Variants in AGK observed in about 807,000 individuals in gnomAD.
AGK encodes the protein acylglycerol kinase, mitochondrial.
A neutral mutation model predicts 66.4 loss-of-function variants in AGK; 52 were observed. That is an observed-to-expected ratio of 0.78 (90% CI 0.63 to 0.99). The LOEUF is 0.99. Among genes scored for constraint, AGK ranks in the 50% least tolerant of loss-of-function variants. The pLI, the probability that AGK is intolerant of heterozygous loss-of-function variation, is 0.00. For synonymous variants in AGK, 182 were observed against 181.1 expected (o/e 1.00, Z -0.04); for missense variants, 451 against 506.6 (o/e 0.89, Z 1.05).
chr7:141,615,424 AT>A (rs747672599), intron 7 of AGK, 46 bp from the exon 8 acceptor site: 77 of 1,531,508 alleles, frequency 5.0e-5, no homozygotes, highest in Non-Finnish European at 6.2e-5. Flanking sequence ...ATTAAGCCTG[AT>A]TTTCTGATCA....
chr7:141,576,546 G>C (rs564469221), intron 2 of AGK, among the ~76,000 whole-genome samples: 127 of 150,052 alleles, frequency 8.5e-4, no homozygotes, highest in East Asian at 7.8e-4. Context: ...ATGACCAGGG[G>C]AACAGATTTG....
At chr7:141,556,495 C>G (rs1217901324) in intron 2 of AGK, among the ~76,000 whole-genome samples, 3 of 149,144 alleles carry the variant, frequency 2.0e-5, no homozygotes, top group African/African-American at 7.5e-5. Context: ...GATCCCAGAT[C>G]GGGCCACTGC....
chr7:141,644,826 C>A (rs923488564), intron 13 of AGK, among the ~76,000 whole-genome samples: 3 of 152,052 alleles, frequency 2.0e-5, no homozygotes, highest in Non-Finnish European at 4.4e-5. Context: ...GTTGTCCAAG[C>A]GCCATTTATT....
chr7:141,610,282 T>A (rs1041498970), intron 5 of AGK, among the ~76,000 whole-genome samples: 30 of 152,204 alleles, frequency 2.0e-4, no homozygotes, highest in Middle Eastern at 3.4e-3. Flanking sequence ...ATATATATAT[T>A]TTTATTATGC....
chr7:141,567,810 A>G (rs1397592142), intron 2 of AGK, among the ~76,000 whole-genome samples: 2 of 152,200 alleles, frequency 1.3e-5, no homozygotes, highest in East Asian at 3.8e-4. Flanking sequence ...AAAAAGTAGC[A>G]TAAGAAAGGA....
Position 141,655,133 on chromosome 7 carries a change from A to G in AGK, c.*2209A>G, listed in dbSNP as rs1047039364. 6.6e-6 allele frequency: 1 copy of G among 152,258 alleles called. No homozygotes were observed. Among genetic ancestry groups the G allele is most frequent in the Non-Finnish European group, 1.5e-5 (1 of 68,046 alleles). The allele number at this position is 152,258 out of a possible 1,614,324, so 9.4% of individuals were successfully genotyped here. ...TCTGATAGGCTACCAGTGTGTGTTT[A>G]TGTGTGCTCATTTTGTGGTTCTAAT... is the stretch of plus-strand genomic sequence containing the variant. On this transcript the variant is annotated 3_prime_UTR_variant, in exon 16 of 16. Coordinates refer to ENST00000649286, the MANE Select transcript of AGK (RefSeq NM_018238.4).
intron 8 of AGK, among the ~76,000 whole-genome samples, chr7:141,621,181 C>T (rs1177286887): frequency 6.6e-6 from 1 of 152,042 alleles, no homozygotes; most frequent in Non-Finnish European, 1.5e-5. Context: ...ATAGACTTTC[C>T]AAATGGCTCT....
intron 10 of AGK, 24 bp from the exon 11 acceptor site, chr7:141,636,936 A>G (rs1189785799): frequency 1.2e-6 from 2 of 1,600,822 alleles, no homozygotes; most frequent in East Asian, 2.2e-5. Flanking sequence ...TTCTTATCAG[A>G]TTTTTATCTT....
In AGK at chr7:141,556,480, G is replaced by T. The variant is rs557723567; in HGVS notation, c.101+913G>T. On this transcript the variant is annotated intron_variant, in intron 2 of 15. Transcript: ENST00000649286. Reference sequence around the variant, plus strand: ...CGCTTGAGCCTGGGAGGTGGAGGTTGTGGTGATCCCAGATCGGGCCACTGC... The same window carrying T: ...CGCTTGAGCCTGGGAGGTGGAGGTTTTGGTGATCCCAGATCGGGCCACTGC... Among the ~76,000 whole-genome samples, 11 of 151,506 alleles carry T rather than the reference G, an allele frequency of 7.3e-5. No individual in the cohort carries two copies. In the South Asian group the frequency reaches 2.3e-3, roughly 32 times the overall value.
chr7:141,615,420 C>T (rs372722212), intron 7 of AGK, 51 bp from the exon 8 acceptor site: 5 of 1,492,944 alleles, frequency 3.3e-6, no homozygotes, highest in Non-Finnish European at 4.7e-6. Context: ...CTCCATTAAG[C>T]CTGATTTTCT....
chr7:141,614,018 C>A (rs924985300), intron 6 of AGK, 128 bp from the exon 7 acceptor site: 2 of 637,340 alleles, frequency 3.1e-6, no homozygotes, highest in African/African-American at 2.0e-5. Flanking sequence ...AGATCCAGTG[C>A]ATCTTTTAAC....
At chr7:141,620,460 A>G (rs946204069) in intron 8 of AGK, among the ~76,000 whole-genome samples, 1 of 152,132 alleles carries the variant, frequency 6.6e-6, no homozygotes, top group Non-Finnish European at 1.5e-5. Flanking sequence ...AAACTCAGCA[A>G]CTCTTCTTGT....
chr7:141,577,969 C>G (rs547551453), intron 2 of AGK, among the ~76,000 whole-genome samples: 1 of 152,132 alleles, frequency 6.6e-6, no homozygotes, highest in South Asian at 2.1e-4. Context: ...CATGCCACCA[C>G]GCCCAGCTAA....
At chr7:141,652,448 T>G in intron 15 of AGK, 1 of 190,342 alleles carries the variant, frequency 5.3e-6, no homozygotes, top group Non-Finnish European at 1.1e-5. Flanking sequence ...AGACTATGTA[T>G]ATGAGTTCCT....
At chr7:141,594,473 G>A (rs1462233320) in intron 3 of AGK, among the ~76,000 whole-genome samples, 1 of 152,072 alleles carries the variant, frequency 6.6e-6, no homozygotes, top group Non-Finnish European at 1.5e-5. Context: ...TTACAGGTGT[G>A]AGCCACCACA....
rs1795201700 is a variant in AGK, at chr7:141,555,931, A to C, written c.101+364A>C. On this transcript the variant is annotated intron_variant, in intron 2 of 15. Coordinates refer to ENST00000649286, the MANE Select transcript of AGK (RefSeq NM_018238.4). The surrounding 1 kb of genome is among the most constrained non-coding windows in gnomAD (Gnocchi z 4.2). The stretch of plus-strand genomic sequence containing the variant: ...GTCAATTTAGTAAGTTTATTTTGCC[A>C]AAGTTAAGGACGTGCGCCTGCGACA... 6.6e-6 allele frequency among the ~76,000 whole-genome samples: 1 copy of C among 152,228 alleles called. No homozygotes were observed. The highest frequency in any genetic ancestry group is 2.1e-4 in the South Asian group (1 of 4,832).
intron 9 of AGK, among the ~76,000 whole-genome samples, chr7:141,624,828 C>A (rs1427688391): frequency 1.3e-5 from 2 of 152,230 alleles, no homozygotes; most frequent in Admixed American, 6.5e-5. Flanking sequence ...ATTGAGAAGA[C>A]TGACTCCAAC....
chr7:141,602,547 C>G (rs941114810), intron 5 of AGK, among the ~76,000 whole-genome samples: 3 of 152,016 alleles, frequency 2.0e-5, no homozygotes, highest in Admixed American at 2.0e-4. Flanking sequence ...CATTTTCATT[C>G]TCAATATTGT....
At chr7:141,607,922 C>T (rs1171384539) in intron 5 of AGK, among the ~76,000 whole-genome samples, 1 of 151,806 alleles carries the variant, frequency 6.6e-6, no homozygotes, top group Non-Finnish European at 1.5e-5. Flanking sequence ...TTAATATTAT[C>T]TCTATTAATC....
Sources: allele counts gnomAD v4.1 joint callset (sites outside exome capture counted in the v4.1 genomes callset), GRCh38; gene constraint gnomAD v4.1.1; non-coding constraint Gnocchi (gnomAD v3.1); transcripts MANE v1.5; gene names NCBI Gene and HGNC (gene_info 2026-07-23, HGNC 2026-07-21).